Variants in SOD2 observed in about 807,000 individuals in gnomAD.
SOD2 encodes superoxide dismutase [Mn], mitochondrial.
SOD2 carries 11 observed loss-of-function variants against 27.0 expected under a neutral mutation model. The observed-to-expected ratio is 0.41, with a 90% CI of 0.26 to 0.67. The LOEUF is 0.67. SOD2 is among the 30% of genes least tolerant of loss of function. The pLI is 0.34. For missense variants in SOD2, 250 were observed against 274.5 expected (o/e 0.91, Z 0.63); for synonymous variants, 105 against 103.0 (o/e 1.02, Z -0.12).
Position 159,711,678 on chromosome 6 carries a change from A to C in SOD2, c.-116+15451T>G, listed in dbSNP as rs1197016924. Among the ~76,000 whole-genome samples the C allele has an allele frequency of 7.9e-5, 8 of 101,650 alleles. 1 individual carries two copies. The highest frequency in any genetic ancestry group is 1.1e-4 in the Non-Finnish European group (5 of 46,964). 66.7% of individuals were successfully genotyped at this position (101,650 alleles called of 152,430 possible). A position where few individuals can be genotyped will look rare whatever the true frequency, so the allele number is the denominator to read the frequency against. ...CACCACTCACATTGCTCTGATCACC[A>C]TAACCACCTCCATAACCACCACTCA... On this transcript the variant is annotated intron_variant, in intron 1 of 2. Transcript: ENST00000401980.
chr6:159,761,642 C>A (rs1341178638), exon 1 of SOD2: 1 of 450,292 alleles, frequency 2.2e-6, no homozygotes, highest in Admixed American at 2.5e-5. Context: ...CTGAGCTGAA[C>A]GAGAGATAAG....
chr6:159,731,209 C>T (rs1266312766), upstream of SOD2, among the ~76,000 whole-genome samples: 1 of 151,668 alleles, frequency 6.6e-6, no homozygotes, highest in East Asian at 2.0e-4. Flanking sequence ...CAACTGTAGT[C>T]CCAGCACTTT....
In SOD2 at chr6:159,692,788, G is replaced by T; in HGVS notation, c.99C>A (p.Tyr33Ter). 6.2e-7 allele frequency: 1 copy of T among 1,614,124 alleles called. No individual in the cohort carries two copies. The highest frequency in any genetic ancestry group is 1.7e-5 in the Admixed American group (1 of 60,026). ...RQKHSLPDLP[Y>*]DYGALEPHIN... is the part of the protein sequence containing the mutation. ...TGTGAGGTTCCAGGGCGCCGTAGTC[G>T]TAGGGCAGGTCGGGGAGGCTGTGCT... Residue 33 changes from tyrosine to a stop codon, truncating the protein, a stop_gained, in exon 2 of 5, where the codon TAC (tyrosine) becomes TAA (stop). Coordinates refer to ENST00000538183, the MANE Select transcript of SOD2 (RefSeq NM_000636.4). LOFTEE classifies it high-confidence loss of function.
chr6:159,693,198 G>A lies in SOD2; in HGVS notation c.-31C>T, dbSNP rs1478935718. 41 of 1,516,896 alleles carry A rather than the reference G, an allele frequency of 2.7e-5. No homozygotes were observed. The highest frequency in any genetic ancestry group is 3.1e-5 in the Non-Finnish European group (35 of 1,130,440). 94.0% of individuals were successfully genotyped at this position (1,516,896 alleles called of 1,614,324 possible). A position where few individuals can be genotyped will look rare whatever the true frequency, so the allele number is the denominator to read the frequency against. On this transcript the variant is annotated 5_prime_UTR_variant, in exon 1 of 5. Transcript: ENST00000538183. Reference sequence around the variant, plus strand: ...TAGTGCTGGTGCTACCGCTGATGCCGCCGATCTGCTGAAGCCGCTGCCGAA... The same window carrying A: ...TAGTGCTGGTGCTACCGCTGATGCCACCGATCTGCTGAAGCCGCTGCCGAA...
upstream of SOD2, among the ~76,000 whole-genome samples, chr6:159,745,562 A>G (rs547351601): frequency 1.3e-5 from 2 of 152,246 alleles, no homozygotes; most frequent in South Asian, 4.1e-4. Context: ...ATCACAAGGA[A>G]AGGTCAAGAT....
At chr6:159,710,978 C>G (rs1186771065) in intron 1 of SOD2, among the ~76,000 whole-genome samples, 5 of 123,506 alleles carry the variant, frequency 4.0e-5, no homozygotes, top group East Asian at 2.8e-4. Flanking sequence ...TAACCACCTC[C>G]ATAACCACCA....
chr6:159,742,009 G>C, intron 1 of SOD2: 1 of 1,053,124 alleles, frequency 9.5e-7, no homozygotes, highest in Non-Finnish European at 1.4e-6. Context: ...ACTAAAATCT[G>C]TGAGTTTATA....
intron 1 of SOD2, chr6:159,736,399 C>G: frequency 2.2e-6 from 2 of 929,942 alleles, no homozygotes; most frequent in South Asian, 3.0e-5. Context: ...TCGTTGTTTG[C>G]TTATTTTTCA....
At chr6:159,707,234 C>A (rs1344968493) in intron 1 of SOD2, among the ~76,000 whole-genome samples, 2 of 152,054 alleles carry the variant, frequency 1.3e-5, no homozygotes, top group Non-Finnish European at 2.9e-5. Flanking sequence ...CAAACATATT[C>A]AAAAACTAGC....
At chr6:159,754,722 A>T (rs960868871) in intron 1 of SOD2, among the ~76,000 whole-genome samples, 3 of 152,196 alleles carry the variant, frequency 2.0e-5, no homozygotes, top group African/African-American at 7.2e-5. Flanking sequence ...GACAAGAAAA[A>T]AAATCTGTAC....
intron 1 of SOD2, chr6:159,756,420 A>C (rs139904326): frequency 6.6e-4 from 101 of 152,476 alleles, no homozygotes; most frequent in Middle Eastern, 3.4e-3. Flanking sequence ...CAACAGTCAA[A>C]CTTAAGACCA....
At chr6:159,756,580 A>G (rs1780014922) in intron 1 of SOD2, among the ~76,000 whole-genome samples, 1 of 133,642 alleles carries the variant, frequency 7.5e-6, no homozygotes, top group African/African-American at 2.6e-5. Context: ...GAAAATAGTC[A>G]TCTATTTCTT....
intron 1 of SOD2, chr6:159,755,465 C>T (rs752943666): frequency 1.9e-6 from 3 of 1,614,046 alleles, no homozygotes; most frequent in Admixed American, 1.7e-5. Context: ...TGAAAACTCT[C>T]TCACACACCA....
intron 1 of SOD2, among the ~76,000 whole-genome samples, chr6:159,742,643 A>ATCACATACTATTTGTTGAG (rs1259253970): frequency 1.3e-5 from 2 of 152,158 alleles, no homozygotes; most frequent in African/African-American, 4.8e-5. Context: ...TACTGTTTGA[A>ATCACATACTATTTGTTGAG]TCACATACTA....
At chr6:159,727,679 G>C (rs1478539327), upstream of SOD2, 3 of 984,638 alleles carry the variant, frequency 3.0e-6, no homozygotes, top group African/African-American at 1.8e-5. Flanking sequence ...GACCGGTGGC[G>C]CCGGCGCGGC....
chr6:159,729,371 T>G (rs1337619978), upstream of SOD2, among the ~76,000 whole-genome samples: 1 of 152,232 alleles, frequency 6.6e-6, no homozygotes, highest in African/African-American at 2.4e-5. Context: ...TTGTAGTTAC[T>G]AAGCTTAACA....
exon 1 of SOD2, chr6:159,761,978 C>T: frequency 3.2e-6 from 4 of 1,254,608 alleles, no homozygotes; most frequent in Non-Finnish European, 4.6e-6. Context: ...AGGTGGAGGG[C>T]GAGGGGCGGG....
chr6:159,761,813 A>G (rs2277072), exon 1 of SOD2: 177,389 of 221,038 alleles, frequency 0.8, 71,598 homozygotes, highest in South Asian at 0.86. Flanking sequence ...TCTGCCCGCA[A>G]GCCCAGACCC....
intron 1 of SOD2, chr6:159,755,765 C>CTTTT: frequency 1.7e-3 from 299 of 173,282 alleles, no homozygotes; most frequent in Middle Eastern, 5.2e-3. Flanking sequence ...TTTTTCTTTT[C>CTTTT]TTTTTTTTTT....
Sources: allele counts gnomAD v4.1 joint callset (sites outside exome capture counted in the v4.1 genomes callset), GRCh38; gene constraint gnomAD v4.1.1; transcripts MANE v1.5; gene names NCBI Gene and HGNC (gene_info 2026-07-23, HGNC 2026-07-21).